Variants in IGSF11 observed in about 807,000 individuals in gnomAD.
IGSF11 encodes CXADR like 1.
Under a neutral mutation model 41.0 loss-of-function variants are expected in IGSF11, and 22 were observed. The observed-to-expected ratio is 0.54, with a 90% CI of 0.38 to 0.77. IGSF11 has a LOEUF of 0.77. Ranked by LOEUF, IGSF11 falls within the 30% of genes least tolerant of loss-of-function variation. IGSF11 has a pLI of 0.00. For synonymous variants in IGSF11, 219 were observed against 201.3 expected, an observed-to-expected ratio of 1.09 and a Z score of -0.74; for missense variants, 444 against 530.8, an observed-to-expected ratio of 0.84 and a Z score of 1.61.
intron 1 of IGSF11, among the ~76,000 whole-genome samples, chr3:119,030,514 A>G (rs1940296767): frequency 6.6e-6 from 1 of 152,246 alleles, no homozygotes; most frequent in Admixed American, 6.5e-5. Context: ...GCAGAAAACC[A>G]GGTACACAGA....
At chr3:119,009,820 A>C (rs553945823) in intron 1 of IGSF11, among the ~76,000 whole-genome samples, 1 of 152,170 alleles carries the variant, frequency 6.6e-6, no homozygotes, top group Non-Finnish European at 1.5e-5. Flanking sequence ...TTCAACTACC[A>C]TACAAATTGG....
intron 1 of IGSF11, among the ~76,000 whole-genome samples, chr3:119,115,515 C>T (rs141654830): frequency 2.6e-5 from 4 of 152,284 alleles, no homozygotes; most frequent in African/African-American, 9.6e-5. Flanking sequence ...TGTTGAGCAC[C>T]TTTTCATATA....
At chr3:119,115,003 C>A (rs1056491099) in intron 1 of IGSF11, among the ~76,000 whole-genome samples, 2 of 152,132 alleles carry the variant, frequency 1.3e-5, no homozygotes, top group African/African-American at 4.8e-5. Flanking sequence ...AGGTGCTACA[C>A]ACTTTAAAAT....
intron 1 of IGSF11, among the ~76,000 whole-genome samples, chr3:119,110,479 T>A (rs2107518253): frequency 6.6e-6 from 1 of 152,360 alleles, no homozygotes; most frequent in South Asian, 2.1e-4. Context: ...TGAGCCTATG[T>A]GTGTCTCTGC....
chr3:119,090,362 T>C (rs956558019), intron 1 of IGSF11, among the ~76,000 whole-genome samples: 3 of 152,168 alleles, frequency 2.0e-5, no homozygotes, highest in Admixed American at 1.3e-4. Flanking sequence ...ACATCATCCT[T>C]CACAGAATTA....
chr3:118,948,123 C>G (rs1450092065), intron 1 of IGSF11: 1 of 152,192 alleles, frequency 6.6e-6, no homozygotes, highest in South Asian at 2.1e-4. Context: ...AAGTGCTTTG[C>G]AAATGGCAAA....
At chr3:118,940,253 T>C (rs115149499) in intron 1 of IGSF11, among the ~76,000 whole-genome samples, 3,734 of 152,232 alleles carry the variant, frequency 0.025, 85 homozygotes, top group East Asian at 0.065. Context: ...CTGTATTTAT[T>C]TGCAGATAAC....
chr3:119,094,757 C>T (rs1381459097), intron 1 of IGSF11, among the ~76,000 whole-genome samples: 1 of 151,372 alleles, frequency 6.6e-6, no homozygotes, highest in Non-Finnish European at 1.5e-5. Flanking sequence ...CTGCAACCTC[C>T]GCCTCCCAGG....
At chr3:118,936,075 G>C (rs989194562) in intron 1 of IGSF11, among the ~76,000 whole-genome samples, 1 of 151,558 alleles carries the variant, frequency 6.6e-6, no homozygotes, top group Non-Finnish European at 1.5e-5. Context: ...GAGGGAAATG[G>C]GTGTTTTTTT....
At chr3:119,145,914 C>T (rs1362265379) in exon 1 of IGSF11, 3 of 391,522 alleles carry the variant, frequency 7.7e-6, no homozygotes, top group African/African-American at 6.1e-5. Flanking sequence ...GGCCTGGTTG[C>T]TCGGCAGGGT....
intron 1 of IGSF11, among the ~76,000 whole-genome samples, chr3:119,071,418 T>C (rs190269444): frequency 1.6e-3 from 239 of 152,324 alleles, no homozygotes; most frequent in South Asian, 3.5e-3. Context: ...GCCATGAAGA[T>C]TTAGACCTCT....
chr3:119,122,576 G>A (rs1021021620), intron 1 of IGSF11, among the ~76,000 whole-genome samples: 1 of 152,202 alleles, frequency 6.6e-6, no homozygotes, highest in Non-Finnish European at 1.5e-5. Context: ...GGCAGCTAAG[G>A]GAATGCATAT....
intron 1 of IGSF11, among the ~76,000 whole-genome samples, chr3:119,069,772 T>TG (rs2076366231): frequency 6.6e-6 from 1 of 152,230 alleles, no homozygotes; most frequent in African/African-American, 2.4e-5. Context: ...TGTTAACAGT[T>TG]GCTCACTGTT....
chr3:118,970,001 C>T (rs1440047964), intron 1 of IGSF11, among the ~76,000 whole-genome samples: 2 of 150,582 alleles, frequency 1.3e-5, no homozygotes, highest in African/African-American at 5.0e-5. Context: ...TCCTCATCAC[C>T]CCCTAAGTTA....
intron 1 of IGSF11, among the ~76,000 whole-genome samples, chr3:119,100,141 C>A (rs1438850721): frequency 1.3e-5 from 2 of 152,148 alleles, no homozygotes; most frequent in African/African-American, 4.8e-5. Context: ...GTAACTGAAA[C>A]TGCAGAAAGC....
At chr3:119,068,927 C>CTT (rs574659492) in intron 1 of IGSF11, among the ~76,000 whole-genome samples, 56 of 81,014 alleles carry the variant, frequency 6.9e-4, no homozygotes, top group South Asian at 9.0e-4. Flanking sequence ...TTTTTTTTTT[C>CTT]TTTTTTTTTT....
intron 1 of IGSF11, among the ~76,000 whole-genome samples, chr3:119,001,401 G>A (rs868586331): frequency 6.0e-5 from 9 of 150,970 alleles, no homozygotes; most frequent in East Asian, 1.9e-4. Context: ...AACCTGGCAC[G>A]CAGTGGTAAC....
At chr3:119,113,541 C>G (rs759457983) in intron 1 of IGSF11, among the ~76,000 whole-genome samples, 3 of 152,224 alleles carry the variant, frequency 2.0e-5, no homozygotes, top group Non-Finnish European at 4.4e-5. Flanking sequence ...CATGTTGATG[C>G]AACAGGTGGG....
chr3:118,990,505 G>C (rs914654367), intron 1 of IGSF11, among the ~76,000 whole-genome samples: 1 of 152,174 alleles, frequency 6.6e-6, no homozygotes, highest in South Asian at 2.1e-4. Context: ...AGTTAACTGA[G>C]AGATAGGAGA....
Sources: gnomAD v4.1 joint callset for allele counts (sites outside exome capture counted in the v4.1 genomes callset) on GRCh38, gnomAD v4.1.1 for gene constraint, MANE v1.5 for transcripts, NCBI Gene and HGNC (gene_info 2026-07-23, HGNC 2026-07-21) for gene names.